Variants in GRIN2B observed in about 807,000 individuals in gnomAD.
GRIN2B encodes the protein glutamate ionotropic receptor NMDA type subunit 2B.
GRIN2B carries 5 observed loss-of-function variants against 114.5 expected under a neutral mutation model. The observed-to-expected ratio is 0.04, with a 90% CI of 0.02 to 0.09. The LOEUF is 0.09. Among genes scored for constraint, GRIN2B ranks in the 10% least tolerant of loss-of-function variants. The pLI, the probability that GRIN2B is intolerant of heterozygous loss-of-function variation, is 1.00. For synonymous variants in GRIN2B, 787 were observed against 745.1 expected (o/e 1.06, Z -0.92); for missense variants, 1,108 against 1,943.5 (o/e 0.57, Z 8.08).
chr12:13,860,398 G>A (rs550397770), intron 3 of GRIN2B, among the ~76,000 whole-genome samples: 9 of 152,106 alleles, frequency 5.9e-5, no homozygotes, highest in Admixed American at 1.3e-4. Flanking sequence ...GTGCAATCTC[G>A]GCTCACTGCA....
At chr12:13,857,078 T>C (rs570666850) in intron 3 of GRIN2B, among the ~76,000 whole-genome samples, 4 of 152,280 alleles carry the variant, frequency 2.6e-5, no homozygotes, top group African/African-American at 7.2e-5. Flanking sequence ...GAAAAGTCCA[T>C]TGGATTTGGC....
At chr12:13,794,684 A>G (rs1864386124) in intron 3 of GRIN2B, among the ~76,000 whole-genome samples, 1 of 152,264 alleles carries the variant, frequency 6.6e-6, no homozygotes, top group Non-Finnish European at 1.5e-5. Context: ...GACTAAAAAT[A>G]AATAACGTTA....
At chr12:13,648,029 G>T (rs1231507461) in intron 5 of GRIN2B, among the ~76,000 whole-genome samples, 1 of 152,060 alleles carries the variant, frequency 6.6e-6, no homozygotes, top group African/African-American at 2.4e-5. Flanking sequence ...CATTGGTGAG[G>T]CTTGGCTGGG....
In GRIN2B at chr12:13,557,707, T is replaced by A. The variant is rs1406796981; in HGVS notation, c.*5076A>T. ...AAGCAGGCGGAGGCCAAAATATGGT[T>A]TAAATGTCTTTGCCATCTAGAACCT... On this transcript the variant is annotated 3_prime_UTR_variant, in exon 14 of 14. Transcript: ENST00000609686. 1.3e-5 allele frequency: 2 copies of A among 152,234 alleles called. No homozygotes were observed. Among genetic ancestry groups the A allele is most frequent in the Non-Finnish European group, 2.9e-5 (2 of 68,040 alleles). The allele number at this position is 152,234 out of a possible 1,614,324, so 9.4% of individuals were successfully genotyped here.
intron 3 of GRIN2B, among the ~76,000 whole-genome samples, chr12:13,779,337 C>G (rs1235106630): frequency 1.3e-5 from 2 of 152,194 alleles, no homozygotes; most frequent in Non-Finnish European, 2.9e-5. Context: ...AGCCACTGTG[C>G]CTGGCCTGGT....
intron 10 of GRIN2B, among the ~76,000 whole-genome samples, chr12:13,601,401 T>G (rs1949158320): frequency 6.6e-6 from 1 of 152,208 alleles, no homozygotes; most frequent in Non-Finnish European, 1.5e-5. Context: ...TCCCCTTCTG[T>G]GTCAAATCTG....
intron 2 of GRIN2B, among the ~76,000 whole-genome samples, chr12:13,900,763 T>C (rs768605690): frequency 1.3e-5 from 2 of 152,194 alleles, no homozygotes; most frequent in African/African-American, 2.4e-5. Flanking sequence ...ATTACGTGGA[T>C]AGAATCACTT....
At chr12:13,958,380 G>A (rs1323812275) in intron 2 of GRIN2B, among the ~76,000 whole-genome samples, 1 of 152,170 alleles carries the variant, frequency 6.6e-6, no homozygotes, top group Non-Finnish European at 1.5e-5. Flanking sequence ...AGTCACATGA[G>A]CTGCCCTAGC....
chr12:13,962,485 C>A (rs1374613551), intron 2 of GRIN2B, among the ~76,000 whole-genome samples: 4 of 152,148 alleles, frequency 2.6e-5, no homozygotes, highest in Non-Finnish European at 5.9e-5. Flanking sequence ...AAGTAGGCAC[C>A]GTACTACAAA....
intron 2 of GRIN2B, among the ~76,000 whole-genome samples, chr12:13,933,999 C>T (rs1867083389): frequency 1.3e-5 from 2 of 152,164 alleles, no homozygotes; most frequent in South Asian, 4.1e-4. Context: ...CTGTTACCAC[C>T]ACCAAGTCCT....
At chr12:13,629,771 A>G (rs977173505) in intron 5 of GRIN2B, among the ~76,000 whole-genome samples, 1 of 151,912 alleles carries the variant, frequency 6.6e-6, no homozygotes. Flanking sequence ...TCATTTGATA[A>G]CACAGAATGC....
intron 5 of GRIN2B, among the ~76,000 whole-genome samples, chr12:13,625,025 C>A (rs1056953551): frequency 1.3e-5 from 2 of 152,112 alleles, no homozygotes; most frequent in African/African-American, 4.8e-5. Flanking sequence ...GATAACACCA[C>A]GGGTGGAGAT....
At chr12:13,892,223 A>C (rs982934842) in intron 2 of GRIN2B, among the ~76,000 whole-genome samples, 3 of 152,312 alleles carry the variant, frequency 2.0e-5, no homozygotes, top group Admixed American at 6.5e-5. Context: ...CCTTAAATTA[A>C]AACCTTCTCA....
chr12:13,775,113 A>G (rs1863980181), intron 3 of GRIN2B, among the ~76,000 whole-genome samples: 2 of 152,204 alleles, frequency 1.3e-5, no homozygotes, highest in South Asian at 4.1e-4. Context: ...TTCTGAGGAC[A>G]GTAAAGCTTC....
chr12:13,946,880 T>G (rs1867371131), intron 2 of GRIN2B, among the ~76,000 whole-genome samples: 1 of 152,196 alleles, frequency 6.6e-6, no homozygotes, highest in Non-Finnish European at 1.5e-5. Context: ...GAAAGGATGC[T>G]TCTCCTAACA....
chr12:13,722,034 A>G (rs1862893224), intron 4 of GRIN2B, among the ~76,000 whole-genome samples: 2 of 152,146 alleles, frequency 1.3e-5, no homozygotes, highest in Admixed American at 6.6e-5. Context: ...TAGACTGACT[A>G]TTGGATTTGG....
At chr12:13,603,009 G>A (rs1949183615) in intron 10 of GRIN2B, among the ~76,000 whole-genome samples, 4 of 152,048 alleles carry the variant, frequency 2.6e-5, no homozygotes, top group Admixed American at 2.6e-4. Flanking sequence ...ACCTCCCTGT[G>A]GGCTTCCTCC....
intron 4 of GRIN2B, among the ~76,000 whole-genome samples, chr12:13,691,663 C>T (rs1389875876): frequency 6.6e-6 from 1 of 151,950 alleles, no homozygotes; most frequent in Non-Finnish European, 1.5e-5. Context: ...TTGATGTCTT[C>T]AATTACAAAG....
intron 3 of GRIN2B, among the ~76,000 whole-genome samples, chr12:13,795,153 G>A (rs373341774): frequency 3.9e-5 from 6 of 152,290 alleles, no homozygotes; most frequent in African/African-American, 1.4e-4. Context: ...AAGAACAAAT[G>A]AGCTTAGTAA....
Sources: gnomAD v4.1 joint callset for allele counts (sites outside exome capture counted in the v4.1 genomes callset) on GRCh38, gnomAD v4.1.1 for gene constraint, MANE v1.5 for transcripts, NCBI Gene and HGNC (gene_info 2026-07-23, HGNC 2026-07-21) for gene names.